The following ASIC2 variants were observed in gnomAD, a reference collection of about 807,000 sequenced individuals.
ASIC2 encodes the protein acid-sensing ion channel 2.
In ASIC2, 25 loss-of-function variants were observed where a neutral mutation model predicts 57.3. The observed-to-expected ratio is 0.44, with a 90% confidence interval of 0.32 to 0.61. The LOEUF (loss-of-function observed/expected upper bound fraction) is 0.61, where lower values mean the gene tolerates loss of function less well. ASIC2 is among the 20% of genes least tolerant of loss of function. ASIC2 has a pLI of 0.06. For missense variants in ASIC2, 641 were observed against 738.1 expected (o/e 0.87, Z 1.52); for synonymous variants, 319 against 307.5 (o/e 1.04, Z -0.39).
intron 3 of ASIC2, among the ~76,000 whole-genome samples, chr17:33,082,342 A>G (rs2092116173): frequency 6.6e-6 from 1 of 152,202 alleles, no homozygotes. Context: ...TTAGAAAACA[A>G]GAATCACCAC....
intron 1 of ASIC2, among the ~76,000 whole-genome samples, chr17:33,280,473 A>G (rs955734392): frequency 3.9e-5 from 6 of 152,168 alleles, no homozygotes; most frequent in African/African-American, 1.4e-4. Context: ...CCATACAAAC[A>G]TAGAGCTGGG....
intron 3 of ASIC2, among the ~76,000 whole-genome samples, chr17:33,074,630 G>A (rs2092082261): frequency 6.6e-6 from 1 of 152,184 alleles, no homozygotes; most frequent in South Asian, 2.1e-4. Flanking sequence ...ACTGCAGGCA[G>A]TATTGCTCAA....
At chr17:33,065,178 G>T (rs2092037951) in intron 3 of ASIC2, among the ~76,000 whole-genome samples, 1 of 151,924 alleles carries the variant, frequency 6.6e-6, no homozygotes, top group African/African-American at 2.4e-5. Flanking sequence ...GAAAATGATT[G>T]AACATATATA....
intron 1 of ASIC2, chr17:34,070,614 C>A (rs923044337): frequency 2.0e-5 from 3 of 152,244 alleles, no homozygotes; most frequent in East Asian, 1.9e-4. Flanking sequence ...CATAGAGATA[C>A]AAGATGGCCT....
At chr17:34,033,062 T>C (rs1023327567) in intron 1 of ASIC2, among the ~76,000 whole-genome samples, 1 of 152,184 alleles carries the variant, frequency 6.6e-6, no homozygotes, top group Non-Finnish European at 1.5e-5. Context: ...AGAATATACA[T>C]TCTTTTCAGT....
intron 1 of ASIC2, among the ~76,000 whole-genome samples, chr17:33,335,652 C>T (rs1050100345): frequency 1.2e-4 from 18 of 152,140 alleles, no homozygotes; most frequent in African/African-American, 3.9e-4. Flanking sequence ...AAGCATTCCC[C>T]GTGGCTACCA....
intron 1 of ASIC2, among the ~76,000 whole-genome samples, chr17:33,500,233 G>A (rs1452154233): frequency 6.6e-6 from 1 of 152,082 alleles, no homozygotes; most frequent in African/African-American, 2.4e-5. Context: ...TGGGGTGAGG[G>A]GCAGGGGGTT....
At chr17:33,655,845 ATATC>A (rs1907057803) in intron 1 of ASIC2, among the ~76,000 whole-genome samples, 1 of 152,214 alleles carries the variant, frequency 6.6e-6, no homozygotes, top group South Asian at 2.1e-4. Context: ...TGAGTTCTCT[ATATC>A]TATCATGAAG....
At chr17:33,285,433 G>C (rs1017710905) in intron 1 of ASIC2, among the ~76,000 whole-genome samples, 3 of 152,194 alleles carry the variant, frequency 2.0e-5, no homozygotes, top group Non-Finnish European at 2.9e-5. Flanking sequence ...AAAAGAAATG[G>C]TTGGCTGAAA....
At chr17:34,074,783 T>TTC (rs1491331111) in intron 1 of ASIC2, among the ~76,000 whole-genome samples, 6 of 79,890 alleles carry the variant, frequency 7.5e-5, no homozygotes, top group African/African-American at 3.7e-4. Context: ...TCTTTCTTTC[T>TTC]TTTTTTTTTT....
chr17:33,281,937 C>T (rs909073125), intron 1 of ASIC2, among the ~76,000 whole-genome samples: 1 of 152,226 alleles, frequency 6.6e-6, no homozygotes, highest in Non-Finnish European at 1.5e-5. Context: ...CCCCTAACCA[C>T]CTCCTTTCTA....
intron 1 of ASIC2, among the ~76,000 whole-genome samples, chr17:34,014,954 G>A (rs1452010172): frequency 1.3e-5 from 2 of 150,862 alleles, no homozygotes; most frequent in South Asian, 2.1e-4. Flanking sequence ...GCACAATCAC[G>A]GCTCACTGAA....
intron 1 of ASIC2, among the ~76,000 whole-genome samples, chr17:33,712,604 G>A (rs4316805): frequency 0.13 from 19,428 of 149,656 alleles, 1,310 homozygotes; most frequent in Non-Finnish European, 0.14. Flanking sequence ...GCATGTGAGG[G>A]TGGAGCTTTG....
chr17:34,126,228 T>C (rs535356742), intron 1 of ASIC2, among the ~76,000 whole-genome samples: 1 of 152,016 alleles, frequency 6.6e-6, no homozygotes, highest in Non-Finnish European at 1.5e-5. Flanking sequence ...CTTGATTGGA[T>C]TGTGATGTAA....
Position 34,099,410 on chromosome 17 carries a change from GGAAA to G in ASIC2, c.555+56564_555+56567del, listed in dbSNP as rs199911057. On this transcript the variant is annotated intron_variant, in intron 1 of 9. Transcript: ENST00000359872. ...AAAGAGGAAAAAAGAGAGGAAGGAAGGAAAGAAAGAATGAAAGAAAGAAGAAAAG... is the reference window on the plus strand; with the variant it reads ...AAAGAGGAAAAAAGAGAGGAAGGAAGGAAAGAATGAAAGAAAGAAGAAAAG... Among the ~76,000 whole-genome samples the G allele has an allele frequency of 8.9e-3, 847 of 95,302 alleles. 12 individuals carry two copies. Among genetic ancestry groups the G allele is most frequent in the African/African-American group, 0.034 (799 of 23,508 alleles). The allele number at this position is 95,302 out of a possible 152,430, so 62.5% of individuals were successfully genotyped here.
At chr17:33,512,093 A>G (rs777816310) in intron 1 of ASIC2, among the ~76,000 whole-genome samples, 7 of 152,194 alleles carry the variant, frequency 4.6e-5, no homozygotes, top group Non-Finnish European at 8.8e-5. Flanking sequence ...AATAGTAGGT[A>G]GTATTGTAGT....
intron 1 of ASIC2, among the ~76,000 whole-genome samples, chr17:33,781,552 T>C (rs1169467887): frequency 6.6e-6 from 1 of 152,152 alleles, no homozygotes; most frequent in Non-Finnish European, 1.5e-5. Context: ...GTAGTAACAG[T>C]AATGCATTTG....
chr17:33,152,837 T>C (rs1231296485), intron 1 of ASIC2, among the ~76,000 whole-genome samples: 1 of 152,214 alleles, frequency 6.6e-6, no homozygotes, highest in East Asian at 1.9e-4. Flanking sequence ...TACAAGGTAT[T>C]TATTTTTTTA....
At chr17:33,233,252 A>G (rs1908173965) in intron 1 of ASIC2, among the ~76,000 whole-genome samples, 1 of 150,722 alleles carries the variant, frequency 6.6e-6, no homozygotes, top group South Asian at 2.1e-4. Flanking sequence ...CTAGGATTTG[A>G]CATCTTGAGC....
Sources: allele counts gnomAD v4.1 joint callset (sites outside exome capture counted in the v4.1 genomes callset), GRCh38; gene constraint gnomAD v4.1.1; transcripts MANE v1.5; gene names NCBI Gene and HGNC (gene_info 2026-07-23, HGNC 2026-07-21).